The following PLCB1 variants were observed in gnomAD, a reference collection of about 807,000 sequenced individuals.
PLCB1 encodes the protein phospholipase C beta 1.
A neutral mutation model predicts 161.8 loss-of-function variants in PLCB1; 46 were observed. The observed-to-expected ratio is 0.28, with a 90% CI of 0.22 to 0.36. The LOEUF is 0.36. Among genes scored for constraint, PLCB1 ranks in the 10% least tolerant of loss-of-function variants. The pLI is 1.00. For missense variants in PLCB1, 1,016 were observed against 1,472.5 expected (o/e 0.69, Z 5.07); for synonymous variants, 517 against 503.7 (o/e 1.03, Z -0.35).
intron 31 of PLCB1, among the ~76,000 whole-genome samples, chr20:8,873,724 A>G (rs1295780489): frequency 2.0e-5 from 3 of 152,128 alleles, no homozygotes; most frequent in Non-Finnish European, 4.4e-5. Context: ...TCACAAAAAT[A>G]TAATTATTTC....
intron 3 of PLCB1, among the ~76,000 whole-genome samples, chr20:8,448,691 A>G (rs227133): frequency 0.6 from 90,691 of 152,090 alleles, 27,336 homozygotes; most frequent in East Asian, 0.69. Flanking sequence ...AAAAAGGAGA[A>G]TCCTTTCTAC....
chr20:8,635,994 T>C (rs6039212), intron 4 of PLCB1, among the ~76,000 whole-genome samples: 41,304 of 152,156 alleles, frequency 0.27, 5,952 homozygotes, highest in African/African-American at 0.35. Context: ...ACAAAATGTG[T>C]GCTTTATCTC....
At chr20:8,544,613 TA>T (rs1270665993) in intron 3 of PLCB1, among the ~76,000 whole-genome samples, 4 of 152,226 alleles carry the variant, frequency 2.6e-5, no homozygotes, top group Non-Finnish European at 5.9e-5. Context: ...TAAGGACTGC[TA>T]AAATGGCCTT....
chr20:8,160,923 T>G (rs1431233789), intron 2 of PLCB1, among the ~76,000 whole-genome samples: 1 of 152,124 alleles, frequency 6.6e-6, no homozygotes, highest in East Asian at 1.9e-4. Flanking sequence ...AAGGCAAAAA[T>G]GCAAACTTTG....
intron 3 of PLCB1, among the ~76,000 whole-genome samples, chr20:8,540,152 AAG>A (rs1491549262): frequency 3.7e-4 from 54 of 146,822 alleles, no homozygotes; most frequent in African/African-American, 1.3e-3. Context: ...CTAAAGAAAA[AAG>A]AAAGTTTGCA....
chr20:8,196,698 TAGG>T (rs2052027841), intron 2 of PLCB1, among the ~76,000 whole-genome samples: 1 of 151,472 alleles, frequency 6.6e-6, no homozygotes, highest in Non-Finnish European at 1.5e-5. Context: ...CTTTAAGTTC[TAGG>T]GTACATGTGC....
chr20:8,809,129 G>A (rs977067), intron 31 of PLCB1, among the ~76,000 whole-genome samples: 10,140 of 151,940 alleles, frequency 0.067, 975 homozygotes, highest in African/African-American at 0.21. Flanking sequence ...AGCTTCCCAC[G>A]TAGCTGAGAA....
chr20:8,483,037 G>A (rs944000409), intron 3 of PLCB1, among the ~76,000 whole-genome samples: 2 of 151,982 alleles, frequency 1.3e-5, no homozygotes, highest in Non-Finnish European at 2.9e-5. Flanking sequence ...TTGTTCTCTC[G>A]ATCGATGGAA....
At chr20:8,359,453 T>G (rs1360510861) in intron 2 of PLCB1, among the ~76,000 whole-genome samples, 1 of 152,182 alleles carries the variant, frequency 6.6e-6, no homozygotes, top group Non-Finnish European at 1.5e-5. Context: ...TATGAACATA[T>G]TTCTTTTTAG....
chr20:8,287,191 C>T (rs866013212), intron 2 of PLCB1, among the ~76,000 whole-genome samples: 2 of 151,900 alleles, frequency 1.3e-5, no homozygotes, highest in Non-Finnish European at 2.9e-5. Flanking sequence ...AACAATCTCA[C>T]CTCAGTATAA....
chr20:8,444,170 C>T (rs1980698939), intron 3 of PLCB1, among the ~76,000 whole-genome samples: 1 of 152,120 alleles, frequency 6.6e-6, no homozygotes, highest in Non-Finnish European at 1.5e-5. Flanking sequence ...GGTATATCCC[C>T]TAATGCTATC....
At chr20:8,627,731 C>A (rs1988397683) in intron 3 of PLCB1, among the ~76,000 whole-genome samples, 1 of 152,220 alleles carries the variant, frequency 6.6e-6, no homozygotes, top group Non-Finnish European at 1.5e-5. Context: ...TCCCTATGTC[C>A]AAATCCCAGT....
intron 31 of PLCB1, among the ~76,000 whole-genome samples, chr20:8,839,988 G>A (rs1270162324): frequency 6.6e-6 from 1 of 150,672 alleles, no homozygotes; most frequent in African/African-American, 2.4e-5. Flanking sequence ...CCAAGATCGC[G>A]CCACTGCACT....
intron 1 of PLCB1, among the ~76,000 whole-genome samples, chr20:8,139,808 C>T (rs2051385004): frequency 6.6e-6 from 1 of 152,192 alleles, no homozygotes; most frequent in Non-Finnish European, 1.5e-5. Flanking sequence ...TCGATTCCTA[C>T]ATCCTCTTAG....
rs573434708 is a variant in PLCB1, at chr20:8,849,970, G to A, written c.3424-31652G>A. Among the ~76,000 whole-genome samples the A allele has an allele frequency of 9.9e-5, 15 of 152,230 alleles. No individual in the cohort carries two copies. In the East Asian group the frequency reaches 1.9e-3, roughly 20 times the overall value. ...GGAGGTTGCAGTGAGCCGAGATCAC[G>A]CCACTGCACTCCAGCCTGGCGACAG... is the stretch of plus-strand genomic sequence containing the variant. On this transcript the variant is annotated intron_variant, in intron 31 of 31. Transcript: ENST00000338037.
At chr20:8,762,597 A>T (rs990754966) in intron 25 of PLCB1, among the ~76,000 whole-genome samples, 1 of 152,220 alleles carries the variant, frequency 6.6e-6, no homozygotes, top group African/African-American at 2.4e-5. Flanking sequence ...TGCCTCCAAG[A>T]ATGCAGCAAT....
At chr20:8,198,693 C>T (rs554546742) in intron 2 of PLCB1, among the ~76,000 whole-genome samples, 2 of 152,136 alleles carry the variant, frequency 1.3e-5, no homozygotes, top group South Asian at 2.1e-4. Flanking sequence ...ATGCATGGAA[C>T]TGCTGCTGCT....
chr20:8,722,301 TA>T, intron 14 of PLCB1, 52 bp from the exon 15 acceptor site: 1 of 1,351,222 alleles, frequency 7.4e-7, no homozygotes, highest in Non-Finnish European at 1.0e-6. Context: ...ACAAATGCTG[TA>T]AAGCTAAATG....
intron 2 of PLCB1, among the ~76,000 whole-genome samples, chr20:8,223,613 A>T (rs1456587078): frequency 6.6e-6 from 1 of 152,104 alleles, no homozygotes; most frequent in African/African-American, 2.4e-5. Flanking sequence ...AGGGCAAAAA[A>T]TCTTGGTTAA....
Sources: gnomAD v4.1 joint callset for allele counts (sites outside exome capture counted in the v4.1 genomes callset) on GRCh38, gnomAD v4.1.1 for gene constraint, MANE v1.5 for transcripts, NCBI Gene and HGNC (gene_info 2026-07-23, HGNC 2026-07-21) for gene names.